The following PLXDC2 variants were observed in gnomAD, a reference collection of about 807,000 sequenced individuals.
The protein encoded by PLXDC2 is plexin domain-containing protein 2.
A neutral mutation model predicts 68.9 loss-of-function variants in PLXDC2; 40 were observed. That is an observed-to-expected ratio of 0.58 (90% CI 0.45 to 0.76). The LOEUF is 0.76. Ranked by LOEUF, PLXDC2 falls within the 30% of genes least tolerant of loss-of-function variation. The probability of loss-of-function intolerance (pLI) is 0.00; values close to 1 mark genes in which losing one functional copy is unlikely to be tolerated. For missense variants in PLXDC2, 644 were observed against 661.9 expected (o/e 0.97, Z 0.30); for synonymous variants, 243 against 234.2 (o/e 1.04, Z -0.34).
intron 1 of PLXDC2, among the ~76,000 whole-genome samples, chr10:19,900,163 A>G (rs151082050): frequency 2.2e-3 from 342 of 152,342 alleles, no homozygotes; most frequent in Non-Finnish European, 4.1e-3. Context: ...ATTTTCATCA[A>G]TCCACAAAGG....
chr10:19,958,084 A>G lies in PLXDC2; in HGVS notation c.113-43691A>G, dbSNP rs143444676. 3.7e-4 allele frequency among the ~76,000 whole-genome samples: 57 copies of G among 152,018 alleles called. No individual in the cohort carries two copies. In the East Asian group the frequency reaches 0.011, roughly 29 times the overall value. Reference sequence around the variant, plus strand: ...GTTTAACTTGTTGTTCATTGCATCTAGTATCTTCTTGGATTAACACCTGTT... The same window carrying G: ...GTTTAACTTGTTGTTCATTGCATCTGGTATCTTCTTGGATTAACACCTGTT... On this transcript the variant is annotated intron_variant, in intron 1 of 13. Transcript: ENST00000377252.
At chr10:19,845,839 G>A (rs577747447) in intron 1 of PLXDC2, among the ~76,000 whole-genome samples, 2 of 152,272 alleles carry the variant, frequency 1.3e-5, no homozygotes, top group South Asian at 4.1e-4. Flanking sequence ...CCATGGAAAA[G>A]GGGCAGTAAC....
chr10:19,817,282 C>A, intron 1 of PLXDC2, 91 bp downstream of exon 1: 1 of 1,035,210 alleles, frequency 9.7e-7, no homozygotes, highest in Non-Finnish European at 1.5e-6. Context: ...CCCCCAACAT[C>A]ACCTATCTGC....
chr10:19,861,086 G>A (rs1482965637), intron 1 of PLXDC2, among the ~76,000 whole-genome samples: 1 of 151,076 alleles, frequency 6.6e-6, no homozygotes, highest in Non-Finnish European at 1.5e-5. Flanking sequence ...TCAGGCTGGA[G>A]TACAGTGGCA....
At chr10:20,230,714 A>C (rs1196198099) in intron 12 of PLXDC2, among the ~76,000 whole-genome samples, 1 of 146,494 alleles carries the variant, frequency 6.8e-6, no homozygotes, top group Non-Finnish European at 1.5e-5. Context: ...AAAAAAAAAA[A>C]CAGGAAAACA....
intron 4 of PLXDC2, among the ~76,000 whole-genome samples, chr10:20,085,732 A>AT (rs1365041985): frequency 6.6e-6 from 1 of 152,072 alleles, no homozygotes; most frequent in Non-Finnish European, 1.5e-5. Context: ...CAGGCATGTC[A>AT]TTTTTTCAAC....
chr10:20,003,036 G>A (rs1834969077), intron 2 of PLXDC2, among the ~76,000 whole-genome samples: 1 of 152,160 alleles, frequency 6.6e-6, no homozygotes, highest in Non-Finnish European at 1.5e-5. Context: ...AATGGTCAGA[G>A]AACAGTTTGC....
chr10:20,122,035 C>T lies in PLXDC2; in HGVS notation c.542-21260C>T, dbSNP rs540193271. 9.8e-3 allele frequency among the ~76,000 whole-genome samples: 1,472 copies of T among 150,938 alleles called. 19 individuals carry two copies. Among genetic ancestry groups the T allele is most frequent in the African/African-American group, 0.032 (1,286 of 40,658 alleles). ...AAGGTGGGGGAATACAAGAGGAGGA[C>T]GCAAAGGAGGCTTTGGATTGGGAAG... On this transcript the variant is annotated intron_variant, in intron 4 of 13. Coordinates refer to ENST00000377252, the MANE Select transcript of PLXDC2 (RefSeq NM_032812.9).
intron 1 of PLXDC2, among the ~76,000 whole-genome samples, chr10:19,927,804 T>C (rs1256798835): frequency 6.6e-6 from 1 of 151,888 alleles, no homozygotes; most frequent in Non-Finnish European, 1.5e-5. Context: ...CACTAACTTC[T>C]TTTATATACA....
chr10:19,843,896 T>C (rs764230259), intron 1 of PLXDC2, among the ~76,000 whole-genome samples: 5 of 152,128 alleles, frequency 3.3e-5, no homozygotes, highest in Non-Finnish European at 7.4e-5. Flanking sequence ...CAAAACTGTA[T>C]TGTGTATTTC....
intron 6 of PLXDC2, 41 bp downstream of exon 6, chr10:20,147,943 C>T: frequency 3.7e-6 from 5 of 1,366,142 alleles, no homozygotes; most frequent in Non-Finnish European, 5.2e-6. Context: ...TCCCCTTGTT[C>T]TTGACTGCTG....
intron 2 of PLXDC2, 35 bp from the exon 3 acceptor site, chr10:20,046,834 C>A: frequency 6.5e-7 from 1 of 1,549,006 alleles, no homozygotes; most frequent in Non-Finnish European, 8.7e-7. Flanking sequence ...TAAAACATCT[C>A]GGTTCTTGAT....
chr10:19,947,707 C>CTTTTTTTTTTTTT (rs34439585), intron 1 of PLXDC2, among the ~76,000 whole-genome samples: 2 of 120,974 alleles, frequency 1.7e-5, no homozygotes, highest in African/African-American at 3.0e-5. Flanking sequence ...TTCTTTCTTT[C>CTTTTTTTTTTTTT]TTTTTTTTTT....
At chr10:19,833,927 C>T (rs1055048797) in intron 1 of PLXDC2, among the ~76,000 whole-genome samples, 1 of 150,302 alleles carries the variant, frequency 6.7e-6, no homozygotes, top group Non-Finnish European at 1.5e-5. Context: ...TTCAGAGTTT[C>T]CTGGGCATTT....
At chr10:19,867,843 G>A (rs1589509426) in intron 1 of PLXDC2, among the ~76,000 whole-genome samples, 1 of 152,238 alleles carries the variant, frequency 6.6e-6, no homozygotes, top group East Asian at 1.9e-4. Context: ...TAGTGTGTAT[G>A]TATAAATGTA....
intron 2 of PLXDC2, among the ~76,000 whole-genome samples, chr10:20,038,849 A>G (rs1486502512): frequency 6.6e-6 from 1 of 152,142 alleles, no homozygotes; most frequent in Non-Finnish European, 1.5e-5. Context: ...GTGGAGATTC[A>G]GGGGTGGGAA....
At chr10:19,848,869 A>C (rs1215703532) in intron 1 of PLXDC2, among the ~76,000 whole-genome samples, 3 of 152,106 alleles carry the variant, frequency 2.0e-5, no homozygotes, top group Non-Finnish European at 4.4e-5. Context: ...TCATGAAAAG[A>C]AGCTTTCAGA....
At chr10:20,117,405 G>A (rs2131755155) in intron 4 of PLXDC2, among the ~76,000 whole-genome samples, 1 of 152,266 alleles carries the variant, frequency 6.6e-6, no homozygotes, top group Non-Finnish European at 1.5e-5. Context: ...TTATGTGTTT[G>A]TGTGTGCATG....
At chr10:19,899,825 GTTAAT>G (rs1393206417) in intron 1 of PLXDC2, among the ~76,000 whole-genome samples, 8 of 152,158 alleles carry the variant, frequency 5.3e-5, no homozygotes, top group African/African-American at 1.9e-4. Context: ...TATGAAATGG[GTTAAT>G]TTGAGTATTT....
Sources: allele counts gnomAD v4.1 joint callset (sites outside exome capture counted in the v4.1 genomes callset), GRCh38; gene constraint gnomAD v4.1.1; transcripts MANE v1.5; gene names NCBI Gene and HGNC (gene_info 2026-07-23, HGNC 2026-07-21).